Variants in DAPK2 observed in about 807,000 individuals in gnomAD.
DAPK2 encodes the protein death associated protein kinase 2.
In DAPK2, 35 loss-of-function variants were observed where a neutral mutation model predicts 44.1. The observed-to-expected ratio is 0.79, with a 90% CI of 0.61 to 1.05. The LOEUF is 1.05. Among genes scored for constraint, DAPK2 ranks in the 50% least tolerant of loss-of-function variants. The pLI is 0.00. For synonymous variants in DAPK2, 174 were observed against 182.6 expected (o/e 0.95, Z 0.38); for missense variants, 453 against 483.2 (o/e 0.94, Z 0.59).
intron 1 of DAPK2, among the ~76,000 whole-genome samples, chr15:64,009,172 C>A (rs1186821389): frequency 2.0e-5 from 3 of 152,110 alleles, no homozygotes. Flanking sequence ...CTTGTACCCC[C>A]AGGCACCAAC....
chr15:63,952,605 A>G (rs13329527), intron 3 of DAPK2, among the ~76,000 whole-genome samples: 4,051 of 151,524 alleles, frequency 0.027, 181 homozygotes, highest in African/African-American at 0.089. Context: ...GCTAACAAGG[A>G]CTCATCACAG....
At chr15:63,976,093 A>G (rs1724490729) in intron 2 of DAPK2, among the ~76,000 whole-genome samples, 1 of 152,238 alleles carries the variant, frequency 6.6e-6, no homozygotes, top group Non-Finnish European at 1.5e-5. Flanking sequence ...GTGACATAGA[A>G]AGTACACAGC....
At chr15:63,914,730 C>G (rs1265428481) in intron 8 of DAPK2, among the ~76,000 whole-genome samples, 1 of 152,198 alleles carries the variant, frequency 6.6e-6, no homozygotes, top group Admixed American at 6.5e-5. Context: ...ACTTGCTGGT[C>G]TGTGAATCCA....
At chr15:64,024,610 G>A (rs1426183389) in intron 1 of DAPK2, among the ~76,000 whole-genome samples, 2 of 152,184 alleles carry the variant, frequency 1.3e-5, no homozygotes. Flanking sequence ...CTTGGACCTG[G>A]TGATTCCAGT....
intron 4 of DAPK2, among the ~76,000 whole-genome samples, chr15:63,934,931 T>C (rs28473597): frequency 0.034 from 5,109 of 152,238 alleles, 282 homozygotes; most frequent in African/African-American, 0.11. Context: ...TTCTATTACT[T>C]CTTGCTTTGA....
At chr15:64,021,898 G>A (rs2079693774) in intron 1 of DAPK2, among the ~76,000 whole-genome samples, 1 of 152,204 alleles carries the variant, frequency 6.6e-6, no homozygotes, top group South Asian at 2.1e-4. Context: ...AGAGGAGAAA[G>A]CTTGGAAGTA....
At chr15:63,991,012 T>C (rs974280389) in intron 1 of DAPK2, among the ~76,000 whole-genome samples, 31 of 151,794 alleles carry the variant, frequency 2.0e-4, no homozygotes, top group Non-Finnish European at 5.9e-5. Flanking sequence ...TCCCACCCTT[T>C]CCCAACACAT....
chr15:63,954,847 T>A (rs2077681369), intron 3 of DAPK2, among the ~76,000 whole-genome samples: 1 of 152,220 alleles, frequency 6.6e-6, no homozygotes, highest in South Asian at 2.1e-4. Flanking sequence ...GTTTTATAGT[T>A]TTCATTATAG....
intron 3 of DAPK2, among the ~76,000 whole-genome samples, chr15:63,953,249 G>C (rs1222047579): frequency 2.0e-5 from 3 of 151,832 alleles, no homozygotes; most frequent in African/African-American, 7.3e-5. Context: ...CCATTCCTGA[G>C]TTTCTTCACT....
intron 3 of DAPK2, among the ~76,000 whole-genome samples, chr15:63,962,479 G>C (rs974374748): frequency 6.6e-6 from 1 of 152,182 alleles, no homozygotes; most frequent in Admixed American, 6.5e-5. Context: ...CATCTTTGTG[G>C]TTTTATGTAC....
At chr15:64,040,897 G>GAAAAAA (rs3056980), upstream of DAPK2, among the ~76,000 whole-genome samples, 28 of 83,436 alleles carry the variant, frequency 3.4e-4, no homozygotes, top group Non-Finnish European at 3.5e-4. Context: ...CTGGGCAACA[G>GAAAAAA]AAAAAAAAAA....
At chr15:64,033,320 G>GGAAA in intron 1 of DAPK2, among the ~76,000 whole-genome samples, 1 of 142,492 alleles carries the variant, frequency 7.0e-6, no homozygotes, top group African/African-American at 2.5e-5. Flanking sequence ...AAGGAAGGAA[G>GGAAA]GAAGGAAAAA....
intron 3 of DAPK2, among the ~76,000 whole-genome samples, chr15:63,962,234 G>A (rs1415904380): frequency 6.6e-6 from 1 of 152,134 alleles, no homozygotes; most frequent in African/African-American, 2.4e-5. Context: ...ATTCTAGTCA[G>A]CCATTCGTCT....
chr15:64,039,175 A>AAAAT lies in DAPK2; in HGVS notation c.92+991_92+994dup, dbSNP rs368026704. ...ATGGGCATGCGTCCTCAATCTTGAC[A>AAAAT]AAATAAATTTTCTAAATTAACTAAC... On this transcript the variant is annotated intron_variant, in intron 1 of 10. Coordinates refer to ENST00000261891, the Ensembl canonical transcript of DAPK2. Among the ~76,000 whole-genome samples, 53 of 152,372 alleles carry AAAAT rather than the reference A, an allele frequency of 3.5e-4. 1 individual carries two copies. The East Asian group carries it at 0.01, about 29-fold the overall frequency.
intron 1 of DAPK2, among the ~76,000 whole-genome samples, chr15:64,038,330 C>T (rs955820997): frequency 2.0e-5 from 3 of 152,204 alleles, no homozygotes; most frequent in African/African-American, 7.2e-5. Context: ...AGTGAGGGCA[C>T]TGAATCAAGC....
At chr15:63,976,926 A>C (rs186372251) in intron 2 of DAPK2, among the ~76,000 whole-genome samples, 1 of 152,230 alleles carries the variant, frequency 6.6e-6, no homozygotes, top group African/African-American at 2.4e-5. Context: ...TCTATTGGAC[A>C]GCGCCAATAG....
At chr15:63,964,361 T>C (rs2077993004) in intron 3 of DAPK2, among the ~76,000 whole-genome samples, 1 of 152,228 alleles carries the variant, frequency 6.6e-6, no homozygotes. Flanking sequence ...CTCTTGCTTT[T>C]AGGATCCTTT....
At position 63,939,235 on chromosome 15, in the gene DAPK2, C is replaced by T. The variant is rs764973476; in HGVS notation, c.580G>A (p.Val194Ile). 1 of 1,613,484 alleles carries T rather than the reference C, an allele frequency of 6.2e-7. No individual in the cohort carries two copies. The highest frequency in any genetic ancestry group is 1.3e-5 in the African/African-American group (1 of 74,852). ...GACAAACAGGCCTACAACTCACCAA[C>T]AAATTCCGGCGTCCCAAAAATATTC... Residue 194 changes from valine to isoleucine, a missense_variant, in exon 4 of 11, where the codon GTT becomes ATT. By Grantham distance (29) the Val-to-Ile change is conservative. Coordinates refer to ENST00000261891, the Ensembl canonical transcript of DAPK2. The surrounding 1 kb of genome is among the most constrained non-coding windows in gnomAD (Gnocchi z 4.3).
intron 1 of DAPK2, among the ~76,000 whole-genome samples, chr15:64,017,440 G>A (rs967226649): frequency 1.3e-5 from 2 of 152,202 alleles, no homozygotes; most frequent in African/African-American, 4.8e-5. Flanking sequence ...CCTCCACCGA[G>A]GTGGCTCTGC....
Sources: gnomAD v4.1 joint callset for allele counts (sites outside exome capture counted in the v4.1 genomes callset) on GRCh38, gnomAD v4.1.1 for gene constraint, Gnocchi (gnomAD v3.1) non-coding constraint, MANE v1.5 for transcripts, NCBI Gene and HGNC (gene_info 2026-07-23, HGNC 2026-07-21) for gene names.